The following ZFPM2 variants were observed in gnomAD, a reference collection of about 807,000 sequenced individuals.
ZFPM2 encodes the protein zinc finger protein, FOG family member 2, also known as zinc finger protein ZFPM2.
In ZFPM2, 20 loss-of-function variants were observed where a neutral mutation model predicts 98.6. The observed-to-expected ratio is 0.20, with a 90% CI of 0.14 to 0.29. The LOEUF (loss-of-function observed/expected upper bound fraction) is 0.29, where lower values mean the gene tolerates loss of function less well. Ranked by LOEUF, ZFPM2 falls within the 10% of genes least tolerant of loss-of-function variation. The pLI, the probability that ZFPM2 is intolerant of heterozygous loss-of-function variation, is 1.00. For missense variants in ZFPM2, 1,310 were observed against 1,388.6 expected (o/e 0.94, Z 0.90); for synonymous variants, 518 against 502.7 (o/e 1.03, Z -0.41).
chr8:105,422,544 A>T (rs1317014317), intron 2 of ZFPM2, among the ~76,000 whole-genome samples: 1 of 152,196 alleles, frequency 6.6e-6, no homozygotes, highest in East Asian at 1.9e-4. Flanking sequence ...GTTGATATTT[A>T]CTGGAAAATA....
intron 1 of ZFPM2, among the ~76,000 whole-genome samples, chr8:105,414,272 G>A (rs1434049996): frequency 6.6e-6 from 1 of 151,962 alleles, no homozygotes; most frequent in Non-Finnish European, 1.5e-5. Context: ...CAGAACCATA[G>A]AAGTTGGCAT....
intron 4 of ZFPM2, among the ~76,000 whole-genome samples, chr8:105,585,285 A>C (rs143196382): frequency 6.6e-6 from 1 of 152,328 alleles, no homozygotes; most frequent in East Asian, 1.9e-4. Context: ...TAGTATATGT[A>C]AACCTTTTCA....
At chr8:105,356,986 C>G (rs1214230531) in intron 1 of ZFPM2, among the ~76,000 whole-genome samples, 1 of 152,156 alleles carries the variant, frequency 6.6e-6, no homozygotes, top group African/African-American at 2.4e-5. Flanking sequence ...CCTACTTTAT[C>G]AAGTCCAATT....
intron 4 of ZFPM2, among the ~76,000 whole-genome samples, chr8:105,609,367 G>A (rs1816260017): frequency 6.6e-6 from 1 of 152,144 alleles, no homozygotes; most frequent in African/African-American, 2.4e-5. Context: ...GCCTCCAGTG[G>A]AGAGGACAAG....
chr8:105,568,576 G>A (rs979184164), intron 4 of ZFPM2, among the ~76,000 whole-genome samples: 7 of 152,146 alleles, frequency 4.6e-5, no homozygotes, highest in South Asian at 2.1e-4. Context: ...TCCTGCTTTC[G>A]TAATGATTGT....
intron 3 of ZFPM2, among the ~76,000 whole-genome samples, chr8:105,537,750 G>C (rs1323971790): frequency 6.7e-6 from 1 of 149,116 alleles, no homozygotes; most frequent in Admixed American, 6.7e-5. Flanking sequence ...ATTTTTTTTT[G>C]AGATGGAATC....
At chr8:105,684,185 C>T (rs1230487701) in intron 5 of ZFPM2, among the ~76,000 whole-genome samples, 1 of 152,014 alleles carries the variant, frequency 6.6e-6, no homozygotes, top group Admixed American at 6.6e-5. Context: ...TGAGAATAAC[C>T]GAGTTATACT....
chr8:105,450,237 G>A (rs1360907967), intron 3 of ZFPM2, among the ~76,000 whole-genome samples: 1 of 152,054 alleles, frequency 6.6e-6, no homozygotes, highest in Non-Finnish European at 1.5e-5. Context: ...TGCATGAAGT[G>A]AAACTGTAGC....
intron 5 of ZFPM2, chr8:105,737,463 C>G (rs1812103519): frequency 6.5e-6 from 1 of 153,078 alleles, no homozygotes; most frequent in Admixed American, 6.6e-5. Flanking sequence ...ATTGAAAGTG[C>G]TATTTTCACT....
chr8:105,444,676 A>T (rs190582352), intron 3 of ZFPM2, among the ~76,000 whole-genome samples: 1 of 152,146 alleles, frequency 6.6e-6, no homozygotes, highest in Non-Finnish European at 1.5e-5. Flanking sequence ...GCTACATCCA[A>T]ATTTAAATTG....
intron 5 of ZFPM2, among the ~76,000 whole-genome samples, chr8:105,751,781 T>G (rs1041801569): frequency 3.3e-5 from 5 of 151,580 alleles, no homozygotes; most frequent in African/African-American, 1.2e-4. Context: ...AGATTTGACC[T>G]TAGGTAGATT....
intron 1 of ZFPM2, among the ~76,000 whole-genome samples, chr8:105,368,363 C>T (rs1281838581): frequency 6.6e-6 from 1 of 152,108 alleles, no homozygotes; most frequent in African/African-American, 2.4e-5. Flanking sequence ...CTAGTACTTA[C>T]TATTGATCTT....
At chr8:105,758,960 A>G (rs1270597175) in intron 5 of ZFPM2, among the ~76,000 whole-genome samples, 1 of 152,100 alleles carries the variant, frequency 6.6e-6, no homozygotes, top group East Asian at 1.9e-4. Flanking sequence ...ACTCCCTTCC[A>G]AAGACATTTT....
At chr8:105,644,686 G>A (rs1393419814) in intron 5 of ZFPM2, among the ~76,000 whole-genome samples, 3 of 152,112 alleles carry the variant, frequency 2.0e-5, no homozygotes, top group Non-Finnish European at 2.9e-5. Flanking sequence ...CGGAGACTGG[G>A]AAGTCCATGA....
chr8:105,523,314 GCTTGATATCA>G (rs1255317484), intron 3 of ZFPM2, among the ~76,000 whole-genome samples: 2 of 152,184 alleles, frequency 1.3e-5, no homozygotes, highest in East Asian at 3.9e-4. Context: ...GAGAATGTAA[GCTTGATATCA>G]CTTGATGTCT....
At chr8:105,651,844 C>T (rs532695786) in intron 5 of ZFPM2, among the ~76,000 whole-genome samples, 2 of 152,270 alleles carry the variant, frequency 1.3e-5, no homozygotes, top group African/African-American at 4.8e-5. Context: ...AGAAATTACT[C>T]ATGTGGAAAT....
At chr8:105,671,481 T>C (rs1817593083) in intron 5 of ZFPM2, among the ~76,000 whole-genome samples, 3 of 151,916 alleles carry the variant, frequency 2.0e-5, no homozygotes, top group Admixed American at 2.0e-4. Flanking sequence ...ATCTGTACAT[T>C]ATCAGAGGAA....
intron 3 of ZFPM2, among the ~76,000 whole-genome samples, chr8:105,477,698 GT>G (rs2130372896): frequency 6.6e-6 from 1 of 152,218 alleles, no homozygotes; most frequent in East Asian, 1.9e-4. Context: ...AAACATAGTT[GT>G]TAGTAACGAT....
chr8:105,350,303 C>A (rs966657101), intron 1 of ZFPM2, among the ~76,000 whole-genome samples: 1 of 152,232 alleles, frequency 6.6e-6, no homozygotes, highest in African/African-American at 2.4e-5. Context: ...AAATGATTTC[C>A]TTGGCCGTAG....
Sources: gnomAD v4.1 joint callset for allele counts (sites outside exome capture counted in the v4.1 genomes callset) on GRCh38, gnomAD v4.1.1 for gene constraint, MANE v1.5 for transcripts, NCBI Gene and HGNC (gene_info 2026-07-23, HGNC 2026-07-21) for gene names.